The following TAOK3 variants were observed in gnomAD, a reference collection of about 807,000 sequenced individuals.
TAOK3 encodes the protein serine/threonine-protein kinase TAO3.
A neutral mutation model predicts 120.4 loss-of-function variants in TAOK3; 40 were observed. The ratio of observed to expected loss-of-function variants is 0.33; its 90% CI spans 0.26 to 0.43. TAOK3 has a LOEUF of 0.43. Among genes scored for constraint, TAOK3 ranks in the 20% least tolerant of loss-of-function variants. The pLI is 1.00. For synonymous variants in TAOK3, 355 were observed against 387.5 expected (o/e 0.92, Z 0.99); for missense variants, 821 against 1,112.1 (o/e 0.74, Z 3.72).
chr12:118,329,052 T>C (rs2044042937), intron 1 of TAOK3, among the ~76,000 whole-genome samples: 1 of 152,142 alleles, frequency 6.6e-6, no homozygotes, highest in South Asian at 2.1e-4. Flanking sequence ...TGTAGCACAC[T>C]TAAAGGGTAT....
intron 17 of TAOK3, among the ~76,000 whole-genome samples, chr12:118,171,968 T>C (rs2036022557): frequency 2.0e-5 from 3 of 152,344 alleles, no homozygotes; most frequent in African/African-American, 7.2e-5. Context: ...TGTTTTTTTC[T>C]GCTCTTAGAC....
At chr12:118,276,112 T>A (rs1187041297) in intron 1 of TAOK3, among the ~76,000 whole-genome samples, 1 of 152,214 alleles carries the variant, frequency 6.6e-6, no homozygotes, top group Non-Finnish European at 1.5e-5. Context: ...ATGCCACTTC[T>A]GTGTTTAAAA....
intron 1 of TAOK3, among the ~76,000 whole-genome samples, chr12:118,317,146 C>G (rs2043498441): frequency 6.6e-6 from 1 of 151,776 alleles, no homozygotes; most frequent in Admixed American, 6.6e-5. Context: ...GCCTGTAACT[C>G]CAGCTACTTG....
chr12:118,152,232 G>C lies in TAOK3; in HGVS notation c.2530C>G (p.Gln844Glu). Residue 844 changes from glutamine (Q) to glutamate (E), a missense_variant, in exon 20 of 21, where the codon CAG becomes GAG. Gln to Glu is a conservative substitution (Grantham distance 29, BLOSUM62 2). Coordinates refer to ENST00000392533, the MANE Select transcript of TAOK3 (RefSeq NM_016281.4). ...RVSLRRAHLEQKIEEELAALQ... is the reference protein window; with the variant it reads ...RVSLRRAHLEEKIEEELAALQ... ...CCCTGGTAATGCTCCCTTACCTTCT[G>C]CTCAAGGTGTGCTCTGCGCAGAGAC... 3 of 1,613,044 alleles carry C rather than the reference G, an allele frequency of 1.9e-6. No individual in the cohort carries two copies. The highest frequency in any genetic ancestry group is 2.5e-6 in the Non-Finnish European group (3 of 1,179,150).
chr12:118,315,642 A>G (rs531172658), intron 1 of TAOK3, among the ~76,000 whole-genome samples: 1 of 152,320 alleles, frequency 6.6e-6, no homozygotes, highest in South Asian at 2.1e-4. Flanking sequence ...AGGATCATGG[A>G]TATTGGTTAT....
intron 14 of TAOK3, among the ~76,000 whole-genome samples, chr12:118,182,601 A>G (rs1277438): frequency 0.17 from 15,375 of 92,342 alleles, 1,088 homozygotes; most frequent in Non-Finnish European, 0.22. Flanking sequence ...GTGTGTGTGT[A>G]TATATATATA....
chr12:118,194,532 CTA>C (rs954475334), intron 13 of TAOK3, among the ~76,000 whole-genome samples: 1 of 151,296 alleles, frequency 6.6e-6, no homozygotes. Flanking sequence ...ACCCACCCCT[CTA>C]TTCAGCAAAA....
intron 1 of TAOK3, among the ~76,000 whole-genome samples, chr12:118,334,066 C>A (rs1433739362): frequency 1.4e-5 from 2 of 143,178 alleles, no homozygotes; most frequent in Admixed American, 1.5e-4. Flanking sequence ...ACCCAGAAGG[C>A]AGAGGTTGCA....
intron 17 of TAOK3, among the ~76,000 whole-genome samples, chr12:118,170,697 A>G (rs974110055): frequency 4.6e-5 from 7 of 152,126 alleles, no homozygotes; most frequent in East Asian, 1.9e-4. Flanking sequence ...TAGGAGGTGG[A>G]GGTTGCAGTG....
At position 118,191,650 on chromosome 12, in the gene TAOK3, G is replaced by A. The variant is rs574664662; in HGVS notation, c.1195-1709C>T. Among the ~76,000 whole-genome samples the A allele has an allele frequency of 3.6e-4, 55 of 152,236 alleles. 1 individual carries two copies. The highest frequency in any genetic ancestry group is 2.2e-3 in the Admixed American group (34 of 15,284). ...AAAATTATTCTACATGATTTCTCGC[G>A]AAATTTGAACTCCTGTTTTACAGGG... On this transcript the variant is annotated intron_variant, in intron 13 of 20. Transcript: ENST00000392533.
At chr12:118,213,117 G>T in intron 10 of TAOK3, 122 bp from the exon 11 acceptor site, 1 of 511,562 alleles carries the variant, frequency 2.0e-6, no homozygotes. Context: ...AAATGCTTTG[G>T]AATATCAGGA....
At chr12:118,323,105 GAATA>G (rs1460743000) in intron 1 of TAOK3, among the ~76,000 whole-genome samples, 5 of 152,056 alleles carry the variant, frequency 3.3e-5, no homozygotes, top group African/African-American at 1.2e-4. Context: ...TGATCTGGAA[GAATA>G]AACATCCCAT....
At chr12:118,364,475 CCTCT>C (rs2045690651) in intron 1 of TAOK3, among the ~76,000 whole-genome samples, 1 of 152,036 alleles carries the variant, frequency 6.6e-6, no homozygotes, top group Admixed American at 6.6e-5. Context: ...AGTCATTTAT[CCTCT>C]CTGAGTTTCA....
At chr12:118,190,159 A>C in intron 13 of TAOK3, 1 of 527,632 alleles carries the variant, frequency 1.9e-6, no homozygotes, top group Non-Finnish European at 3.3e-6. Context: ...TGCCTTCTGA[A>C]TCCCTGGCAG....
Position 118,150,841 on chromosome 12 carries a change from T to C in TAOK3, c.*156A>G, listed in dbSNP as rs1236729684. The C allele has an allele frequency of 4.7e-6, 4 of 850,150 alleles. No homozygotes were observed. The highest frequency in any genetic ancestry group is 3.0e-5 in the Admixed American group (1 of 33,098). 52.7% of individuals were successfully genotyped at this position (850,150 alleles called of 1,614,324 possible). On this transcript the variant is annotated 3_prime_UTR_variant, in exon 21 of 21. Transcript: ENST00000392533. ...AAGGGGGCCCCTGATGGAGTAAGAA[T>C]AAACAGGCACTAGTCCGACACGATG...
chr12:118,325,405 T>C (rs1455071750), intron 1 of TAOK3, among the ~76,000 whole-genome samples: 1 of 152,200 alleles, frequency 6.6e-6, no homozygotes, highest in Admixed American at 6.5e-5. Flanking sequence ...GTCTTTTGGG[T>C]GAAAGTCATT....
chr12:118,266,784 C>A (rs1319247344), intron 1 of TAOK3, 25 bp from the exon 2 acceptor site: 2 of 394,018 alleles, frequency 5.1e-6, no homozygotes, highest in African/African-American at 4.1e-5. Context: ...GAACAAAATA[C>A]ATAATTATCA....
chr12:118,339,668 C>T (rs1048665039), intron 1 of TAOK3, among the ~76,000 whole-genome samples: 7 of 151,850 alleles, frequency 4.6e-5, no homozygotes, highest in Admixed American at 3.9e-4. Flanking sequence ...CGGGTTCAAG[C>T]GATTCTGCCT....
At chr12:118,200,995 T>G in intron 12 of TAOK3, 1 of 244,656 alleles carries the variant, frequency 4.1e-6, no homozygotes, top group South Asian at 8.6e-5. Context: ...GAACACCCTA[T>G]GCCCATTTGT....
Sources: allele counts gnomAD v4.1 joint callset (sites outside exome capture counted in the v4.1 genomes callset), GRCh38; gene constraint gnomAD v4.1.1; transcripts MANE v1.5; gene names NCBI Gene and HGNC (gene_info 2026-07-23, HGNC 2026-07-21).